RNF6: variants seen among roughly 807,000 people sequenced by gnomAD.
The protein encoded by RNF6 is ring finger protein 6.
In RNF6, 21 loss-of-function variants were observed where a neutral mutation model predicts 50.1. That is an observed-to-expected ratio of 0.42 (90% CI 0.30 to 0.60). The LOEUF (loss-of-function observed/expected upper bound fraction) is 0.60, where lower values mean the gene tolerates loss of function less well. RNF6 is among the 20% of genes least tolerant of loss of function. The pLI is 0.20. For synonymous variants in RNF6, 255 were observed against 291.8 expected, an observed-to-expected ratio of 0.87 and a Z score of 1.29; for missense variants, 698 against 838.2, an observed-to-expected ratio of 0.83 and a Z score of 2.07.
rs371074560 is a variant in RNF6 at position 26,215,117 on chromosome 13, G to A, written c.765C>T (p.Phe255=). Residue 255 remains phenylalanine, a synonymous_variant, in exon 5 of 5, where the codon TTC becomes TTT. Transcript: ENST00000381588. ...IPRANASRTN[F]SSHTNQSGGS... is the part of the protein sequence containing the mutation. The stretch of plus-strand genomic sequence containing the variant: ...CACCTGATTGGTTTGTGTGACTACT[G>A]AAATTAGTGCGTGAAGCGTTAGCTC... 6.2e-7 allele frequency: 1 copy of A among 1,614,182 alleles called. No homozygotes were observed. Among genetic ancestry groups the A allele is most frequent in the Non-Finnish European group, 8.5e-7 (1 of 1,180,040 alleles).
downstream of RNF6, among the ~76,000 whole-genome samples, chr13:26,212,178 T>C (rs1344554192): frequency 6.6e-6 from 1 of 152,176 alleles, no homozygotes; most frequent in Non-Finnish European, 1.5e-5. Flanking sequence ...TCCTGGGCCA[T>C]GAAAAATGAT....
At chr13:26,148,078 C>T (rs972640015) in intron 5 of RNF6, among the ~76,000 whole-genome samples, 1 of 152,134 alleles carries the variant, frequency 6.6e-6, no homozygotes, top group Non-Finnish European at 1.5e-5. Flanking sequence ...CCTCAGGAAA[C>T]TTACAACCAT....
intron 5 of RNF6, among the ~76,000 whole-genome samples, chr13:26,173,581 C>A (rs529743943): frequency 6.6e-6 from 1 of 152,048 alleles, no homozygotes; most frequent in South Asian, 2.1e-4. Flanking sequence ...AGATGAAAAT[C>A]ATGCACAACA....
At chr13:26,180,300 T>G (rs536697107) in intron 5 of RNF6, among the ~76,000 whole-genome samples, 1 of 152,184 alleles carries the variant, frequency 6.6e-6, no homozygotes, top group African/African-American at 2.4e-5. Flanking sequence ...AGCTGTCTGT[T>G]TGTCTTCCTA....
chr13:26,146,037 C>A (rs1465400976), intron 5 of RNF6, among the ~76,000 whole-genome samples: 2 of 152,164 alleles, frequency 1.3e-5, no homozygotes, highest in South Asian at 2.1e-4. Context: ...AACTGGTAGA[C>A]CACAGTGACA....
intron 5 of RNF6, among the ~76,000 whole-genome samples, chr13:26,192,183 A>T (rs1450803544): frequency 6.6e-6 from 1 of 152,242 alleles, no homozygotes; most frequent in Non-Finnish European, 1.5e-5. Context: ...TTACATTTTA[A>T]TGGAATCACT....
chr13:26,211,329 GGAC>G (rs1436139598), downstream of RNF6, among the ~76,000 whole-genome samples: 1 of 152,130 alleles, frequency 6.6e-6, no homozygotes, highest in East Asian at 1.9e-4. Context: ...GTCTTGCAAA[GGAC>G]TAAGTCAAAG....
rs779476298 is a variant in RNF6, at chr13:26,147,782, A to G, written n.769-15331T>C. Among the ~76,000 whole-genome samples the G allele has an allele frequency of 1.1e-3, 169 of 152,308 alleles. No individual in the cohort carries two copies. In the Middle Eastern group the frequency reaches 0.014, roughly 12 times the overall value. ...GCAATCTCAGGTCTGTGGCTACAGG[A>G]CACAAGAGTCTCCTTCAGGACACAC... On this transcript the variant is annotated intron_variant and non_coding_transcript_variant, in intron 5 of 5. Transcript: ENST00000468480.
chr13:26,145,449 GA>G (rs142175649), intron 5 of RNF6, among the ~76,000 whole-genome samples: 38,773 of 77,018 alleles, frequency 0.5, 6,818 homozygotes, highest in East Asian at 0.63. Flanking sequence ...GAATCATGGG[GA>G]GGGGGGGGGA....
intron 5 of RNF6, among the ~76,000 whole-genome samples, chr13:26,175,561 C>A (rs1027783937): frequency 6.6e-6 from 1 of 152,206 alleles, no homozygotes; most frequent in African/African-American, 2.4e-5. Context: ...TCCTACCTGT[C>A]TTTGGCGTCC....
intron 5 of RNF6, among the ~76,000 whole-genome samples, chr13:26,138,973 A>G (rs1319440889): frequency 6.6e-6 from 1 of 152,178 alleles, no homozygotes; most frequent in African/African-American, 2.4e-5. Flanking sequence ...AAGCGCCTTG[A>G]TTATTCTTAG....
chr13:26,207,689 C>G (rs1437683039), intron 5 of RNF6, among the ~76,000 whole-genome samples: 1 of 152,170 alleles, frequency 6.6e-6, no homozygotes, highest in Non-Finnish European at 1.5e-5. Flanking sequence ...TCTCCAAGCC[C>G]TCCTATTCTG....
At chr13:26,160,767 AGGT>A (rs1416543793) in intron 5 of RNF6, among the ~76,000 whole-genome samples, 2 of 152,064 alleles carry the variant, frequency 1.3e-5, no homozygotes, top group Non-Finnish European at 2.9e-5. Flanking sequence ...TTTGAGATCA[AGGT>A]GTTGGCAGAG....
intron 5 of RNF6, among the ~76,000 whole-genome samples, chr13:26,161,888 G>C (rs1872232403): frequency 6.6e-6 from 1 of 152,100 alleles, no homozygotes; most frequent in African/African-American, 2.4e-5. Flanking sequence ...CCTCCAATTA[G>C]CTTCCAGGGA....
intron 5 of RNF6, among the ~76,000 whole-genome samples, chr13:26,154,684 A>G (rs1871811494): frequency 6.6e-6 from 1 of 152,226 alleles, no homozygotes; most frequent in Non-Finnish European, 1.5e-5. Context: ...CATATATGTT[A>G]AGGCAATAAG....
Sources: gnomAD v4.1 joint callset for allele counts (sites outside exome capture counted in the v4.1 genomes callset) on GRCh38, gnomAD v4.1.1 for gene constraint, MANE v1.5 for transcripts, NCBI Gene and HGNC (gene_info 2026-07-23, HGNC 2026-07-21) for gene names.